The following LRRIQ1 variants were observed in gnomAD, a reference collection of about 807,000 sequenced individuals.
LRRIQ1 encodes the protein leucine rich repeats and IQ motif containing 1.
A neutral mutation model predicts 211.9 loss-of-function variants in LRRIQ1; 210 were observed. That is an observed-to-expected ratio of 0.99 (90% CI 0.89 to 1.11). LRRIQ1 has a LOEUF of 1.11. Ranked by LOEUF, LRRIQ1 falls within the 50% of genes most tolerant of loss-of-function variation. The pLI is 0.00. For synonymous variants in LRRIQ1, 699 were observed against 650.1 expected (o/e 1.08, Z -1.14); for missense variants, 2,136 against 1,939.5 (o/e 1.10, Z -1.90).
intron 7 of LRRIQ1, among the ~76,000 whole-genome samples, chr12:85,054,288 C>G (rs1880708407): frequency 6.6e-6 from 1 of 152,036 alleles, no homozygotes; most frequent in African/African-American, 2.4e-5. Context: ...TAGTACTATT[C>G]AAATTCAAGA....
chr12:85,107,729 C>T (rs376336952), intron 15 of LRRIQ1, among the ~76,000 whole-genome samples: 394 of 151,958 alleles, frequency 2.6e-3, no homozygotes, highest in African/African-American at 9.0e-3. Context: ...TATTTATTTC[C>T]CTTTCCATGC....
At chr12:85,230,692 A>C (rs1013416015) in intron 25 of LRRIQ1, among the ~76,000 whole-genome samples, 1 of 152,196 alleles carries the variant, frequency 6.6e-6, no homozygotes, top group Non-Finnish European at 1.5e-5. Context: ...TAGGTTTTCA[A>C]GATTTTTGTT....
intron 18 of LRRIQ1, among the ~76,000 whole-genome samples, chr12:85,137,632 TTAC>T (rs1245410138): frequency 7.9e-5 from 12 of 151,634 alleles, no homozygotes; most frequent in Non-Finnish European, 8.9e-5. Flanking sequence ...TCTTTTTTGC[TTAC>T]TACAAGGAAA....
At chr12:85,069,454 C>T (rs890351855) in intron 10 of LRRIQ1, among the ~76,000 whole-genome samples, 12 of 151,998 alleles carry the variant, frequency 7.9e-5, no homozygotes, top group African/African-American at 2.4e-4. Flanking sequence ...GGGTATATTC[C>T]TAGTAATGGG....
intron 11 of LRRIQ1, among the ~76,000 whole-genome samples, chr12:85,090,420 G>A (rs775999225): frequency 5.2e-4 from 79 of 152,176 alleles, no homozygotes; most frequent in Non-Finnish European, 9.8e-4. Context: ...ATCCAAAAAA[G>A]CTACAGACAC....
At chr12:85,117,690 G>A (rs192185075) in intron 15 of LRRIQ1, among the ~76,000 whole-genome samples, 4 of 152,188 alleles carry the variant, frequency 2.6e-5, no homozygotes, top group Admixed American at 1.3e-4. Context: ...TTCTAATTTA[G>A]GAAATTGAAT....
chr12:85,142,649 T>C (rs1218816375), intron 19 of LRRIQ1, among the ~76,000 whole-genome samples: 2 of 151,470 alleles, frequency 1.3e-5, no homozygotes, highest in Admixed American at 1.3e-4. Flanking sequence ...TAAACCCTAG[T>C]AATCACCATT....
intron 25 of LRRIQ1, among the ~76,000 whole-genome samples, chr12:85,231,467 G>A (rs368826352): frequency 1.3e-5 from 2 of 152,080 alleles, no homozygotes; most frequent in South Asian, 4.2e-4. Flanking sequence ...TAATTAATAG[G>A]GTAGTATTTT....
chr12:85,269,668 T>C, the LRRIQ1 span, among the ~76,000 whole-genome samples: 2 of 151,922 alleles, frequency 1.3e-5, no homozygotes, highest in African/African-American at 4.8e-5. Flanking sequence ...ACTCAAGGGA[T>C]TGAGTTCCTT....
Position 85,153,720 on chromosome 12 carries a change from G to A in LRRIQ1, c.4599G>A (p.Leu1533=). 1 of 1,580,990 alleles carries A rather than the reference G, an allele frequency of 6.3e-7. No homozygotes were observed. The highest frequency in any genetic ancestry group is 8.6e-7 in the Non-Finnish European group (1 of 1,166,106). ...TPESKTSRKS[L]LKSEKEKKIS... The stretch of plus-strand genomic sequence containing the variant: ...AATCAAAGACCAGTAGAAAGAGTTT[G>A]CTAAAATCTGAAAAAGAAAAAAAAA... Residue 1533 remains leucine (L), a synonymous_variant, in exon 22 of 27, where the codon TTG becomes TTA. Transcript: ENST00000393217.
At chr12:85,115,402 A>G (rs1426418550) in intron 15 of LRRIQ1, among the ~76,000 whole-genome samples, 1 of 152,198 alleles carries the variant, frequency 6.6e-6, no homozygotes, top group East Asian at 1.9e-4. Context: ...ACTAACTCCA[A>G]TCTGGATACT....
chr12:85,098,500 T>A lies in LRRIQ1; in HGVS notation c.3033T>A (p.Asn1011Lys). 6.2e-7 allele frequency: 1 copy of A among 1,611,386 alleles called. No individual in the cohort carries two copies. The highest frequency in any genetic ancestry group is 2.2e-5 in the East Asian group (1 of 44,688). The change falls in exon 12 of 27, where the codon AAT becomes AAA. Residue 1011 changes from asparagine (N) to lysine (K), a missense_variant. By Grantham distance (94) the Asn-to-Lys change is moderately conservative. Transcript: ENST00000393217. ...NHLTDVEGVE[N>K]CGLLQILKLQ... ...TTACTGATGTAGAGGGCGTTGAAAA[T>A]TGTGGATTGCTCCAAATATTGAAGT...
intron 23 of LRRIQ1, 139 bp from the exon 24 acceptor site, chr12:85,160,474 A>C (rs868183382): frequency 8.0e-6 from 4 of 500,512 alleles, no homozygotes; most frequent in Admixed American, 6.5e-5. Context: ...ATGAAGCTTA[A>C]TATAACATCA....
intron 11 of LRRIQ1, among the ~76,000 whole-genome samples, chr12:85,093,532 C>T (rs936079801): frequency 6.6e-6 from 1 of 152,160 alleles, no homozygotes; most frequent in African/African-American, 2.4e-5. Flanking sequence ...AAAGGTAGAT[C>T]ACTGGCCAGA....
intron 20 of LRRIQ1, 30 bp downstream of exon 20, chr12:85,152,399 C>T (rs1321270516): frequency 6.5e-6 from 10 of 1,533,478 alleles, no homozygotes; most frequent in African/African-American, 2.8e-5. Flanking sequence ...TCTGAGTCCT[C>T]GATCTTTGCT....
chr12:85,197,376 C>T (rs1892979680), intron 24 of LRRIQ1, among the ~76,000 whole-genome samples: 1 of 151,926 alleles, frequency 6.6e-6, no homozygotes, highest in South Asian at 2.1e-4. Context: ...GACACATGCA[C>T]CTGTATGTTT....
intron 11 of LRRIQ1, among the ~76,000 whole-genome samples, chr12:85,097,025 C>T (rs1169649925): frequency 6.6e-6 from 1 of 152,020 alleles, no homozygotes; most frequent in Non-Finnish European, 1.5e-5. Flanking sequence ...TTTCATGAAC[C>T]CTTTACTTTG....
chr12:85,111,356 G>T (rs976960740), intron 15 of LRRIQ1, among the ~76,000 whole-genome samples: 1 of 152,058 alleles, frequency 6.6e-6, no homozygotes, highest in African/African-American at 2.4e-5. Context: ...CATGTAACTG[G>T]TCATATCACC....
At chr12:85,120,934 TTTTGTTTG>T (rs570281788) in intron 15 of LRRIQ1, among the ~76,000 whole-genome samples, 1 of 151,956 alleles carries the variant, frequency 6.6e-6, no homozygotes, top group African/African-American at 2.4e-5. Context: ...GTTTTTGTTT[TTTTGTTTG>T]TTTGTTTGTT....
Sources: allele counts gnomAD v4.1 joint callset (sites outside exome capture counted in the v4.1 genomes callset), GRCh38; gene constraint gnomAD v4.1.1; transcripts MANE v1.5; gene names NCBI Gene and HGNC (gene_info 2026-07-23, HGNC 2026-07-21).